The following MAP2 variants were observed in gnomAD, a reference collection of about 807,000 sequenced individuals.
MAP2 encodes the protein microtubule associated protein 2, also known as microtubule-associated protein 2.
In MAP2, 14 loss-of-function variants were observed where a neutral mutation model predicts 137.6. That is an observed-to-expected ratio of 0.10 (90% CI 0.07 to 0.16). The LOEUF is 0.16. Among genes scored for constraint, MAP2 ranks in the 10% least tolerant of loss-of-function variants. The probability of loss-of-function intolerance (pLI) is 1.00; values close to 1 mark genes in which losing one functional copy is unlikely to be tolerated. For missense variants in MAP2, 2,088 were observed against 2,191.5 expected (o/e 0.95, Z 0.94); for synonymous variants, 786 against 782.3 (o/e 1.00, Z -0.08).
At position 209,733,612 on chromosome 2, in the gene MAP2, C is replaced by T. The variant is rs1227090735; in HGVS notation, c.*3215C>T. On this transcript the variant is annotated 3_prime_UTR_variant, in exon 16 of 16. Coordinates refer to ENST00000682079, the MANE Select transcript of MAP2 (RefSeq NM_001375505.1). ...ACATAGCTGCAATTACAGTTTTCTT[C>T]TATTTTTCAAGCCACAATAAGGAAA... 1 of 152,062 alleles carries T rather than the reference C, an allele frequency of 6.6e-6. No individual in the cohort carries two copies. The highest frequency in any genetic ancestry group is 1.9e-4 in the East Asian group (1 of 5,192). The allele number at this position is 152,062 out of a possible 1,614,324, so 9.4% of individuals were successfully genotyped here. A position where few individuals can be genotyped will look rare whatever the true frequency, so the allele number is the denominator to read the frequency against.
chr2:209,517,883 A>G (rs13025402), intron 2 of MAP2, among the ~76,000 whole-genome samples: 30,001 of 151,834 alleles, frequency 0.2, 4,327 homozygotes, highest in African/African-American at 0.4. Flanking sequence ...AAATAAGAGA[A>G]AAAACAAAAA....
At chr2:209,710,973 C>T (rs936111088) in intron 13 of MAP2, among the ~76,000 whole-genome samples, 3 of 152,170 alleles carry the variant, frequency 2.0e-5, no homozygotes, top group South Asian at 2.1e-4. Flanking sequence ...CTTGCTTATA[C>T]ACTACATGTT....
chr2:209,689,549 G>A (rs2058221522), intron 7 of MAP2, among the ~76,000 whole-genome samples: 1 of 152,036 alleles, frequency 6.6e-6, no homozygotes, highest in South Asian at 2.1e-4. Context: ...AAGTGTAAAT[G>A]AGAAACAAAT....
intron 1 of MAP2, among the ~76,000 whole-genome samples, chr2:209,475,504 A>G (rs914235763): frequency 1.3e-5 from 2 of 152,092 alleles, no homozygotes; most frequent in African/African-American, 4.8e-5. Flanking sequence ...AGATATTACT[A>G]TTTCATCTAA....
At chr2:209,565,529 C>A (rs891769707) in intron 2 of MAP2, among the ~76,000 whole-genome samples, 2 of 152,134 alleles carry the variant, frequency 1.3e-5, no homozygotes, top group African/African-American at 4.8e-5. Context: ...CCGAAAATAT[C>A]TATACATTAC....
rs369308118 is a variant in MAP2, at chr2:209,692,641, G to A, written c.471G>A (p.Ser157=). Residue 157 remains serine (S), a synonymous_variant, in exon 8 of 16, where the codon TCG becomes TCA. Transcript: ENST00000682079. The part of the protein sequence containing the change: ...VTVEEDLLTA[S]KMEFHDQQEL... ...TTACTTCAGATTTACTTACAGCCTC[G>A]AAGATGGAGTTCCACGATCAACAGG... 10 of 1,578,220 alleles carry A rather than the reference G, an allele frequency of 6.3e-6. No homozygotes were observed. Among genetic ancestry groups the A allele is most frequent in the East Asian group, 4.5e-5 (2 of 44,270 alleles).
chr2:209,441,393 A>G (rs1697735853), intron 1 of MAP2, among the ~76,000 whole-genome samples: 2 of 151,594 alleles, frequency 1.3e-5, no homozygotes, highest in South Asian at 2.1e-4. Context: ...TTTTTGTTAT[A>G]TACAGATGAT....
chr2:209,460,905 C>CGG (rs1194176294), intron 1 of MAP2, among the ~76,000 whole-genome samples: 1 of 151,946 alleles, frequency 6.6e-6, no homozygotes, highest in Non-Finnish European at 1.5e-5. Context: ...CGCACCACCA[C>CGG]ACCCAGCTAA....
chr2:209,644,351 A>G (rs1261673224), intron 4 of MAP2, among the ~76,000 whole-genome samples: 1 of 152,126 alleles, frequency 6.6e-6, no homozygotes, highest in Non-Finnish European at 1.5e-5. Flanking sequence ...CGTGTCCAGT[A>G]GTTTGTTTTA....
At chr2:209,724,583 AAGAGAG>A (rs145497846) in intron 13 of MAP2, among the ~76,000 whole-genome samples, 3 of 149,104 alleles carry the variant, frequency 2.0e-5, no homozygotes, top group African/African-American at 4.9e-5. Flanking sequence ...TCAAGCAGTG[AAGAGAG>A]AGAGAGAGAG....
At chr2:209,435,989 A>ATT in intron 1 of MAP2, among the ~76,000 whole-genome samples, 1 of 88,944 alleles carries the variant, frequency 1.1e-5, no homozygotes. Context: ...TACAGTATAT[A>ATT]TTATATACTA....
chr2:209,649,273 T>C (rs1481845867), intron 4 of MAP2, among the ~76,000 whole-genome samples: 1 of 152,118 alleles, frequency 6.6e-6, no homozygotes, highest in Non-Finnish European at 1.5e-5. Context: ...CACCTCGACC[T>C]CCCAAAGTGC....
At chr2:209,436,030 A>ACAGTT (rs1459219355) in intron 1 of MAP2, among the ~76,000 whole-genome samples, 1 of 137,330 alleles carries the variant, frequency 7.3e-6, no homozygotes, top group Non-Finnish European at 1.6e-5. Flanking sequence ...TATAAAATAT[A>ACAGTT]TATATATGTA....
intron 1 of MAP2, among the ~76,000 whole-genome samples, chr2:209,498,338 T>C (rs949950558): frequency 6.6e-6 from 1 of 152,198 alleles, no homozygotes; most frequent in African/African-American, 2.4e-5. Context: ...CTTTGCAGGG[T>C]GCATCCTCCC....
intron 2 of MAP2, among the ~76,000 whole-genome samples, chr2:209,578,059 G>GAA (rs2075626211): frequency 6.6e-6 from 1 of 152,150 alleles, no homozygotes; most frequent in Admixed American, 6.5e-5. Flanking sequence ...CTTGCAAACA[G>GAA]AACAAAAGAG....
At chr2:209,549,174 C>T (rs954641332) in intron 2 of MAP2, among the ~76,000 whole-genome samples, 1 of 152,178 alleles carries the variant, frequency 6.6e-6, no homozygotes, top group East Asian at 1.9e-4. Flanking sequence ...AAGAAAGGCT[C>T]TCTCCAGGAG....
At chr2:209,653,556 GTC>G in intron 5 of MAP2, 124 bp downstream of exon 5, 1 of 979,198 alleles carries the variant, frequency 1.0e-6, no homozygotes, top group South Asian at 2.9e-5. Flanking sequence ...ATTCCAGTCA[GTC>G]AGAGGAAATA....
intron 5 of MAP2, among the ~76,000 whole-genome samples, chr2:209,675,806 T>C (rs2051120178): frequency 6.6e-6 from 1 of 151,784 alleles, no homozygotes; most frequent in South Asian, 2.1e-4. Flanking sequence ...AAAGAATACA[T>C]ATAAAACACT....
intron 15 of MAP2, 110 bp downstream of exon 15, chr2:209,730,072 G>T: frequency 8.7e-7 from 1 of 1,144,480 alleles, no homozygotes; most frequent in African/African-American, 1.5e-5. Context: ...AAGAAGTGGG[G>T]ATAACAGAGG....
Sources: allele counts gnomAD v4.1 joint callset (sites outside exome capture counted in the v4.1 genomes callset), GRCh38; gene constraint gnomAD v4.1.1; transcripts MANE v1.5; gene names NCBI Gene and HGNC (gene_info 2026-07-23, HGNC 2026-07-21).